The following CDH8 variants were observed in gnomAD, a reference collection of about 807,000 sequenced individuals.
CDH8 encodes cadherin 8.
A neutral mutation model predicts 68.1 loss-of-function variants in CDH8; 17 were observed. The ratio of observed to expected loss-of-function variants is 0.25; its 90% CI spans 0.17 to 0.37. The LOEUF (loss-of-function observed/expected upper bound fraction) is 0.37, where lower values mean the gene tolerates loss of function less well. Ranked by LOEUF, CDH8 falls within the 10% of genes least tolerant of loss-of-function variation. CDH8 has a pLI of 1.00. For missense variants in CDH8, 763 were observed against 999.3 expected (o/e 0.76, Z 3.19); for synonymous variants, 372 against 365.1 (o/e 1.02, Z -0.21).
rs909699847 is a variant in CDH8, at chr16:61,837,331, T to C, written c.668-12152A>G. Reference sequence around the variant, plus strand: ...TGTTTTCATATTTTCCAAAAGAATGTATTTGTACTCATGTAGTCAACACTT... The same window carrying C: ...TGTTTTCATATTTTCCAAAAGAATGCATTTGTACTCATGTAGTCAACACTT... On this transcript the variant is annotated intron_variant, in intron 4 of 11. Transcript: ENST00000577390. 4.6e-5 allele frequency among the ~76,000 whole-genome samples: 7 copies of C among 152,086 alleles called. No individual in the cohort carries two copies. In the East Asian group the frequency reaches 1.4e-3, roughly 29 times the overall value.
chr16:61,692,154 A>G (rs534435553), intron 10 of CDH8: 1 of 152,256 alleles, frequency 6.6e-6, no homozygotes, highest in South Asian at 2.1e-4. Flanking sequence ...CTATCTAGAG[A>G]AAAAATACAA....
chr16:61,908,671 G>T (rs1964105354), intron 2 of CDH8, among the ~76,000 whole-genome samples: 1 of 152,198 alleles, frequency 6.6e-6, no homozygotes, highest in Admixed American at 6.5e-5. Flanking sequence ...GATGGTGGTA[G>T]ATGGAGTGGG....
chr16:61,904,006 T>G (rs1471049166), intron 2 of CDH8, among the ~76,000 whole-genome samples: 2 of 152,176 alleles, frequency 1.3e-5, no homozygotes, highest in Non-Finnish European at 2.9e-5. Context: ...AAATTTCACT[T>G]TTAGCTTATC....
chr16:61,934,401 C>T (rs8058677), intron 2 of CDH8, among the ~76,000 whole-genome samples: 77,021 of 151,910 alleles, frequency 0.51, 21,959 homozygotes, highest in African/African-American at 0.78. Flanking sequence ...AATTGAGGAA[C>T]AGAAACAAAT....
At chr16:61,846,430 A>C (rs1450566525) in intron 4 of CDH8, among the ~76,000 whole-genome samples, 1 of 152,114 alleles carries the variant, frequency 6.6e-6, no homozygotes, top group Admixed American at 6.6e-5. Context: ...ATGATTAATA[A>C]GTATCTATTC....
At chr16:61,846,261 C>T (rs1234336928) in intron 4 of CDH8, among the ~76,000 whole-genome samples, 1 of 151,922 alleles carries the variant, frequency 6.6e-6, no homozygotes, top group Non-Finnish European at 1.5e-5. Context: ...GATCTCATTG[C>T]CTTATATGTT....
chr16:61,680,209 A>G (rs1474164174), intron 10 of CDH8, among the ~76,000 whole-genome samples: 2 of 152,054 alleles, frequency 1.3e-5, no homozygotes, highest in East Asian at 3.9e-4. Flanking sequence ...GTGATTGTCC[A>G]TTACTCTAAT....
At chr16:61,817,345 A>ATGTGCC in intron 7 of CDH8, 134 bp downstream of exon 7, 1 of 746,232 alleles carries the variant, frequency 1.3e-6, no homozygotes, top group East Asian at 2.7e-5. Context: ...CACACACAGT[A>ATGTGCC]TGTGCCAACC....
At chr16:61,814,719 T>C (rs1962034735) in intron 7 of CDH8, among the ~76,000 whole-genome samples, 1 of 152,158 alleles carries the variant, frequency 6.6e-6, no homozygotes, top group East Asian at 1.9e-4. Context: ...AATATCCATA[T>C]CCTCTGGTTC....
chr16:61,841,128 C>T lies in CDH8; in HGVS notation c.668-15949G>A, dbSNP rs13335225. ...CACCTATTAATGGACACTTAGATTG[C>T]TTCCAAATTTTAGCTATTGTAAACA... On this transcript the variant is annotated intron_variant, in intron 4 of 11. Coordinates refer to ENST00000577390, the MANE Select transcript of CDH8 (RefSeq NM_001796.5). Among the ~76,000 whole-genome samples the T allele has an allele frequency of 4.4e-3, 672 of 152,242 alleles. 9 individuals are homozygous for T. Among genetic ancestry groups the T allele is most frequent in the African/African-American group, 0.015 (617 of 41,526 alleles).
At chr16:61,746,300 A>G (rs1960018490) in intron 8 of CDH8, among the ~76,000 whole-genome samples, 1 of 151,990 alleles carries the variant, frequency 6.6e-6, no homozygotes. Flanking sequence ...AAGTCCATCA[A>G]AAATTCCAGG....
intron 8 of CDH8, among the ~76,000 whole-genome samples, chr16:61,760,938 C>CA (rs1420461758): frequency 1.3e-5 from 2 of 152,058 alleles, no homozygotes; most frequent in African/African-American, 4.8e-5. Flanking sequence ...AAGACATAAA[C>CA]AATGAATTTG....
chr16:61,936,539 G>A (rs111451550), intron 2 of CDH8, among the ~76,000 whole-genome samples: 7 of 152,294 alleles, frequency 4.6e-5, no homozygotes, highest in African/African-American at 1.7e-4. Context: ...GAAGAGCAAT[G>A]TGAGAAGTCA....
intron 5 of CDH8, among the ~76,000 whole-genome samples, chr16:61,822,440 A>G (rs1567486867): frequency 1.3e-5 from 2 of 151,456 alleles, no homozygotes; most frequent in African/African-American, 4.8e-5. Context: ...TAAAAACCCA[A>G]AAGGAAAAAT....
chr16:61,929,397 T>C (rs915350094), intron 2 of CDH8, among the ~76,000 whole-genome samples: 1 of 152,154 alleles, frequency 6.6e-6, no homozygotes, highest in African/African-American at 2.4e-5. Context: ...AAAATCTGAC[T>C]ACAAAAGGTT....
At chr16:61,686,281 A>G (rs1236698689) in intron 10 of CDH8, among the ~76,000 whole-genome samples, 1 of 151,918 alleles carries the variant, frequency 6.6e-6, no homozygotes, top group African/African-American at 2.4e-5. Flanking sequence ...TAGCAGCATG[A>G]TTTTTTTGCC....
intron 3 of CDH8, among the ~76,000 whole-genome samples, chr16:61,860,673 T>C (rs899027527): frequency 3.3e-5 from 5 of 152,114 alleles, no homozygotes; most frequent in African/African-American, 7.2e-5. Flanking sequence ...CAGTATGATA[T>C]TAAGTTAATG....
chr16:61,782,511 G>A (rs1961099948), intron 8 of CDH8, among the ~76,000 whole-genome samples: 2 of 152,242 alleles, frequency 1.3e-5, no homozygotes, highest in South Asian at 4.1e-4. Context: ...GAGGCTGGGG[G>A]AGGGGCGCCC....
At chr16:62,001,458 A>G (rs1965893371) in intron 2 of CDH8, among the ~76,000 whole-genome samples, 1 of 152,160 alleles carries the variant, frequency 6.6e-6, no homozygotes, top group South Asian at 2.1e-4. Context: ...ACCTGCTCTA[A>G]GTATTTCTTT....
Sources: gnomAD v4.1 joint callset for allele counts (sites outside exome capture counted in the v4.1 genomes callset) on GRCh38, gnomAD v4.1.1 for gene constraint, MANE v1.5 for transcripts, NCBI Gene and HGNC (gene_info 2026-07-23, HGNC 2026-07-21) for gene names.